Variants in AGXT2 observed in about 807,000 individuals in gnomAD.
The protein encoded by AGXT2 is alanine--glyoxylate aminotransferase 2, mitochondrial.
AGXT2 carries 61 observed loss-of-function variants against 62.5 expected under a neutral mutation model. That is an observed-to-expected ratio of 0.98 (90% CI 0.79 to 1.21). The LOEUF is 1.21. AGXT2 is among the 50% of genes most tolerant of loss of function. AGXT2 has a pLI of 0.00. For missense variants in AGXT2, 666 were observed against 641.5 expected, an observed-to-expected ratio of 1.04 and a Z score of -0.41; for synonymous variants, 243 against 218.7, an observed-to-expected ratio of 1.11 and a Z score of -0.98.
chr5:34,998,150 G>C lies in AGXT2; in HGVS notation c.*569C>G, dbSNP rs1341004630. 1 of 158,562 alleles carries C rather than the reference G, an allele frequency of 6.3e-6. No individual in the cohort carries two copies. Among genetic ancestry groups the C allele is most frequent in the African/African-American group, 2.4e-5 (1 of 41,488 alleles). 9.8% of individuals were successfully genotyped at this position (158,562 alleles called of 1,614,324 possible). A position where few individuals can be genotyped will look rare whatever the true frequency, so the allele number is the denominator to read the frequency against. On this transcript the variant is annotated 3_prime_UTR_variant, in exon 14 of 14. Transcript: ENST00000231420. ...TCAAATATCAAGAGGCCCTGAGGTAGGGTGGCTCCAGGAATGCTTAAGTGA... is the reference window on the plus strand; with the variant it reads ...TCAAATATCAAGAGGCCCTGAGGTACGGTGGCTCCAGGAATGCTTAAGTGA...
intron 9 of AGXT2, among the ~76,000 whole-genome samples, chr5:35,019,536 G>C (rs1321236909): frequency 6.6e-6 from 1 of 152,140 alleles, no homozygotes. Flanking sequence ...TGAGAACAAA[G>C]ACAAAACATA....
intron 1 of AGXT2, among the ~76,000 whole-genome samples, 200 bp downstream of exon 1, chr5:35,047,604 AC>A (rs1278299619): frequency 2.0e-5 from 3 of 148,852 alleles, no homozygotes; most frequent in Non-Finnish European, 3.0e-5. Flanking sequence ...TCATTTCAAA[AC>A]AAAAAGGAGC....
At chr5:35,008,410 T>C (rs1245730774) in intron 12 of AGXT2, among the ~76,000 whole-genome samples, 1 of 152,170 alleles carries the variant, frequency 6.6e-6, no homozygotes, top group Non-Finnish European at 1.5e-5. Context: ...TCCTCTCTCA[T>C]TGGGCTTTCC....
Position 35,003,815 on chromosome 5 carries a change from T to A in AGXT2, c.1385A>T (p.Glu462Val). ...GAGGAGTCCCATGTGCTTGCAGTCCTCATGGATCTGATTTACTTCTTCACG... is the reference window on the plus strand; with the variant it reads ...GAGGAGTCCCATGTGCTTGCAGTCCACATGGATCTGATTTACTTCTTCACG... ...LPREEVNQIH[E>V]DCKHMGLLVG... The change falls in exon 13 of 14, where the codon GAG becomes GTG. Residue 462 changes from glutamate to valine, a missense_variant. By Grantham distance (121) the Glu-to-Val change is moderately radical (BLOSUM62 -2). Transcript: ENST00000231420. 6.2e-7 allele frequency: 1 copy of A among 1,614,220 alleles called. No homozygotes were observed. Among genetic ancestry groups the A allele is most frequent in the Admixed American group, 1.7e-5 (1 of 60,028 alleles).
At position 35,039,466 on chromosome 5, in the gene AGXT2, G is replaced by T. The variant is rs754018269; in HGVS notation, c.220C>A (p.Leu74Ile). Reference protein sequence around the residue: ...NRVLEIHKEHLSPVVTAYFQK... With the variant: ...NRVLEIHKEHISPVVTAYFQK... ...AAATATGCCGTCACCACAGGAGAAA[G>T]ATGTTCCTTGTGGATTTCCAGGACA... The change falls in exon 3 of 14, where the codon CTT (leucine) becomes ATT (isoleucine). Residue 74 changes from leucine (L) to isoleucine (I), a missense_variant. Transcript: ENST00000231420. The T allele has an allele frequency of 1.7e-5, 27 of 1,613,920 alleles. No homozygotes were observed. The Admixed American group carries it at 2.7e-4, about 16-fold the overall frequency.
At chr5:35,009,336 C>T (rs949680981) in intron 12 of AGXT2, among the ~76,000 whole-genome samples, 1 of 152,078 alleles carries the variant, frequency 6.6e-6, no homozygotes, top group Non-Finnish European at 1.5e-5. Context: ...TGGCTCATGC[C>T]TGTAATCTTA....
chr5:35,031,728 C>A (rs1767562534), intron 7 of AGXT2, among the ~76,000 whole-genome samples: 2 of 152,152 alleles, frequency 1.3e-5, no homozygotes, highest in Admixed American at 6.5e-5. Flanking sequence ...TGTCAGCAGC[C>A]TGTAGGAAGG....
chr5:35,007,196 A>C (rs1200691754), intron 12 of AGXT2, among the ~76,000 whole-genome samples: 1 of 152,194 alleles, frequency 6.6e-6, no homozygotes, highest in East Asian at 1.9e-4. Flanking sequence ...CACAGCAAGA[A>C]GGCACCATCT....
At chr5:35,016,300 T>A (rs1766848893) in intron 9 of AGXT2, among the ~76,000 whole-genome samples, 1 of 152,208 alleles carries the variant, frequency 6.6e-6, no homozygotes. Flanking sequence ...ATCCTCCCAC[T>A]GTGATGATGT....
intron 1 of AGXT2, among the ~76,000 whole-genome samples, chr5:35,043,643 C>T (rs530714367): frequency 1.3e-5 from 2 of 152,190 alleles, no homozygotes; most frequent in East Asian, 3.9e-4. Flanking sequence ...AACAATTCTC[C>T]CACCTCAGCC....
intron 1 of AGXT2, 49 bp downstream of exon 1, chr5:35,047,756 C>T (rs1466499209): frequency 1.2e-6 from 2 of 1,605,348 alleles, no homozygotes; most frequent in Non-Finnish European, 1.7e-6. Context: ...TCAAGTCTTA[C>T]CCTCTCGCTG....
intron 13 of AGXT2, among the ~76,000 whole-genome samples, chr5:34,999,798 A>G (rs898720198): frequency 1.1e-4 from 16 of 152,082 alleles, no homozygotes; most frequent in Admixed American, 1.0e-3. Context: ...ATTTTTATAA[A>G]CTTTCCTAAA....
chr5:35,011,913 TATACACAC>T lies in AGXT2; in HGVS notation c.1188+1033_1188+1040del, dbSNP rs550209401. Among the ~76,000 whole-genome samples the T allele has an allele frequency of 3.1e-3, 365 of 116,894 alleles. 2 individuals carry two copies. Among genetic ancestry groups the T allele is most frequent in the African/African-American group, 0.013 (348 of 27,106 alleles). 76.7% of individuals were successfully genotyped at this position (116,894 alleles called of 152,430 possible). A position where few individuals can be genotyped will look rare whatever the true frequency, so the allele number is the denominator to read the frequency against. ...ATGAGTGGATAAAGAAAATGTGGTG[TATACACAC>T]ACACACACACACACACACACACACA... On this transcript the variant is annotated intron_variant, in intron 11 of 13. Transcript: ENST00000231420.
rs149309273 is a variant in AGXT2, at chr5:35,016,984, G to T, written c.964-2865C>A. 4.1e-3 allele frequency among the ~76,000 whole-genome samples: 620 copies of T among 152,228 alleles called. 6 individuals are homozygous for T. The highest frequency in any genetic ancestry group is 0.014 in the African/African-American group (590 of 41,544). On this transcript the variant is annotated intron_variant, in intron 9 of 13. Coordinates refer to ENST00000231420, the MANE Select transcript of AGXT2 (RefSeq NM_031900.4). ...GCAGTCAGTTTCAAATTCAAAATCA[G>T]TCTATGCCAATATGGGCCCAGAGGT...
intron 1 of AGXT2, among the ~76,000 whole-genome samples, chr5:35,042,699 C>T (rs1429596270): frequency 6.7e-6 from 1 of 149,710 alleles, no homozygotes; most frequent in Non-Finnish European, 1.5e-5. Context: ...TTGGGGGCTC[C>T]TGGAAAGTGT....
Position 35,014,062 on chromosome 5 carries a change from C to A in AGXT2, c.1021G>T (p.Val341Phe). 1 of 1,614,144 alleles carries A rather than the reference C, an allele frequency of 6.2e-7. No homozygotes were observed. The highest frequency in any genetic ancestry group is 8.5e-7 in the Non-Finnish European group (1 of 1,180,028). Residue 341 changes from valine (V) to phenylalanine (F), a missense_variant, in exon 10 of 14, where the codon GTC becomes TTC. Coordinates refer to ENST00000231420, the MANE Select transcript of AGXT2 (RefSeq NM_031900.4). ...SHFWGFQTHD[V>F]LPDIVTMAKG... is the part of the protein sequence containing the mutation. ...GCCATGGTGACAATGTCAGGCAGGA[C>A]ATCGTGGGTTTGGAAGCCCCAGAAG...
intron 9 of AGXT2, among the ~76,000 whole-genome samples, chr5:35,018,103 T>G (rs1420175084): frequency 5.3e-5 from 8 of 152,326 alleles, no homozygotes; most frequent in African/African-American, 1.9e-4. Flanking sequence ...CTGATTGGTG[T>G]ACCTGAAAGT....
chr5:35,013,782 CA>C (rs10588573), intron 10 of AGXT2, among the ~76,000 whole-genome samples: 37,715 of 88,954 alleles, frequency 0.42, 5,091 homozygotes, highest in Non-Finnish European at 0.48. Flanking sequence ...GACTCTGTCT[CA>C]AAAAAAAAAA....
intron 9 of AGXT2, among the ~76,000 whole-genome samples, chr5:35,019,975 G>A (rs1366690300): frequency 1.3e-5 from 2 of 152,210 alleles, no homozygotes; most frequent in Admixed American, 1.3e-4. Context: ...AAATCTAGAA[G>A]AAATGGATAA....
Sources: gnomAD v4.1 joint callset for allele counts (sites outside exome capture counted in the v4.1 genomes callset) on GRCh38, gnomAD v4.1.1 for gene constraint, MANE v1.5 for transcripts, NCBI Gene and HGNC (gene_info 2026-07-23, HGNC 2026-07-21) for gene names.